Variants in CAMKMT observed in about 807,000 individuals in gnomAD.
CAMKMT encodes calmodulin-lysine N-methyltransferase.
A neutral mutation model predicts 48.0 loss-of-function variants in CAMKMT; 53 were observed. That is an observed-to-expected ratio of 1.10 (90% confidence interval 0.89 to 1.39). The LOEUF is 1.39. Among genes scored for constraint, CAMKMT ranks in the 40% most tolerant of loss-of-function variants. The probability of loss-of-function intolerance (pLI) is 0.00; values close to 1 mark genes in which losing one functional copy is unlikely to be tolerated. For synonymous variants in CAMKMT, 165 were observed against 152.3 expected (o/e 1.08, Z -0.61); for missense variants, 428 against 402.7 (o/e 1.06, Z -0.54).
At chr2:44,416,633 G>T (rs1259653054) in intron 3 of CAMKMT, among the ~76,000 whole-genome samples, 1 of 139,438 alleles carries the variant, frequency 7.2e-6, no homozygotes, top group African/African-American at 2.7e-5. Context: ...GAGTGCAATG[G>T]TGTGATCTTG....
At chr2:44,566,044 C>T (rs981862538) in intron 3 of CAMKMT, among the ~76,000 whole-genome samples, 8 of 152,246 alleles carry the variant, frequency 5.3e-5, no homozygotes, top group Non-Finnish European at 7.4e-5. Context: ...TTATCTCTAC[C>T]GGCTGTTGAA....
intron 7 of CAMKMT, among the ~76,000 whole-genome samples, chr2:44,728,832 G>C (rs559590380): frequency 1.5e-4 from 18 of 123,516 alleles, no homozygotes; most frequent in Non-Finnish European, 2.7e-4. Context: ...TAGCTAGGGG[G>C]TCTATCCTTT....
intron 7 of CAMKMT, among the ~76,000 whole-genome samples, chr2:44,730,721 T>A (rs1383509107): frequency 6.6e-6 from 1 of 152,142 alleles, no homozygotes; most frequent in Non-Finnish European, 1.5e-5. Context: ...AGGAAATCAT[T>A]TGAAAGAAGA....
chr2:44,409,847 G>T (rs1683068808), intron 3 of CAMKMT, among the ~76,000 whole-genome samples: 1 of 152,108 alleles, frequency 6.6e-6, no homozygotes, highest in African/African-American at 2.4e-5. Flanking sequence ...TGTTCATTCA[G>T]TAATTCAGTT....
intron 3 of CAMKMT, among the ~76,000 whole-genome samples, chr2:44,563,482 T>C (rs1668437912): frequency 6.6e-6 from 1 of 151,712 alleles, no homozygotes; most frequent in African/African-American, 2.4e-5. Context: ...TTTTTATTAT[T>C]ATCCCCCATA....
intron 7 of CAMKMT, among the ~76,000 whole-genome samples, chr2:44,742,179 A>G (rs1679714182): frequency 6.6e-6 from 1 of 152,122 alleles, no homozygotes; most frequent in African/African-American, 2.4e-5. Context: ...ATTTCCAGAA[A>G]AGTTGGTGTT....
rs550078078 is a variant in CAMKMT at position 44,364,866 on chromosome 2, C to G, written c.138+2721C>G. 5.9e-5 allele frequency among the ~76,000 whole-genome samples: 9 copies of G among 152,236 alleles called. No homozygotes were observed. The South Asian group carries it at 1.9e-3, about 32-fold the overall frequency. ...CATGGTGATAGCAGAGGTATAAGAG[C>G]AAGCCCAACCACAGAGACACATTTT... On this transcript the variant is annotated intron_variant, in intron 1 of 10. Transcript: ENST00000378494.
chr2:44,704,899 T>C (rs1011255131), intron 4 of CAMKMT, among the ~76,000 whole-genome samples: 3 of 151,870 alleles, frequency 2.0e-5, no homozygotes, highest in Non-Finnish European at 4.4e-5. Flanking sequence ...TTTCAACTGT[T>C]AGTGTGCATT....
At chr2:44,477,529 G>A (rs1259730930) in intron 3 of CAMKMT, among the ~76,000 whole-genome samples, 2 of 152,184 alleles carry the variant, frequency 1.3e-5, no homozygotes, top group Non-Finnish European at 2.9e-5. Flanking sequence ...AAAATAAGTT[G>A]TGTAGGTAGC....
chr2:44,378,715 A>T (rs1679946876), intron 2 of CAMKMT, among the ~76,000 whole-genome samples: 1 of 152,010 alleles, frequency 6.6e-6, no homozygotes, highest in African/African-American at 2.4e-5. Context: ...GATGGTCTCG[A>T]TCTCTTGACC....
intron 3 of CAMKMT, among the ~76,000 whole-genome samples, chr2:44,399,973 A>G (rs1156917887): frequency 1.3e-5 from 2 of 152,224 alleles, no homozygotes; most frequent in African/African-American, 2.4e-5. Flanking sequence ...AAGGAAAGAG[A>G]AAGATTGGAA....
At chr2:44,616,816 A>G (rs1249736750) in intron 3 of CAMKMT, among the ~76,000 whole-genome samples, 1 of 152,242 alleles carries the variant, frequency 6.6e-6, no homozygotes, top group Non-Finnish European at 1.5e-5. Flanking sequence ...GGAGAAAACG[A>G]AAGCAGAAAT....
chr2:44,425,706 T>G (rs1452749401), intron 3 of CAMKMT, among the ~76,000 whole-genome samples: 1 of 152,004 alleles, frequency 6.6e-6, no homozygotes, highest in Non-Finnish European at 1.5e-5. Flanking sequence ...GTGTATTATC[T>G]CTCTGGTTCT....
At chr2:44,641,435 G>A (rs1401621055) in intron 3 of CAMKMT, among the ~76,000 whole-genome samples, 2 of 152,060 alleles carry the variant, frequency 1.3e-5, no homozygotes, top group Non-Finnish European at 2.9e-5. Flanking sequence ...AACAGTCCTA[G>A]TCTTGCAAAA....
intron 9 of CAMKMT, among the ~76,000 whole-genome samples, chr2:44,756,795 G>T (rs1399388207): frequency 6.6e-6 from 1 of 152,018 alleles, no homozygotes. Flanking sequence ...CAACACAGGG[G>T]CTACATGGTG....
intron 3 of CAMKMT, among the ~76,000 whole-genome samples, 189 bp downstream of exon 3, chr2:44,390,494 A>G (rs1085487): frequency 0.82 from 122,708 of 149,446 alleles, 51,188 homozygotes; most frequent in African/African-American, 0.9. Flanking sequence ...AAAATGGGAT[A>G]CTGCAGTTTC....
At chr2:44,460,877 C>T (rs974807097) in intron 3 of CAMKMT, among the ~76,000 whole-genome samples, 15 of 152,168 alleles carry the variant, frequency 9.9e-5, no homozygotes, top group African/African-American at 2.2e-4. Flanking sequence ...CGCATACCAC[C>T]ACACCCAGCT....
At chr2:44,749,381 C>A (rs570748376) in intron 8 of CAMKMT, among the ~76,000 whole-genome samples, 1 of 152,272 alleles carries the variant, frequency 6.6e-6, no homozygotes, top group South Asian at 2.1e-4. Context: ...AACTAACACC[C>A]TACATAAGCT....
chr2:44,603,502 T>G (rs1430886883), intron 3 of CAMKMT, among the ~76,000 whole-genome samples: 1 of 152,230 alleles, frequency 6.6e-6, no homozygotes, highest in Non-Finnish European at 1.5e-5. Flanking sequence ...ATTTAGTGGC[T>G]GAAAACAAAC....
Sources: gnomAD v4.1 joint callset for allele counts (sites outside exome capture counted in the v4.1 genomes callset) on GRCh38, gnomAD v4.1.1 for gene constraint, MANE v1.5 for transcripts, NCBI Gene and HGNC (gene_info 2026-07-23, HGNC 2026-07-21) for gene names.